PTGER3: variants seen among roughly 807,000 people sequenced by gnomAD.
PTGER3 encodes prostaglandin E2 receptor EP3 subtype.
Under a neutral mutation model 34.7 loss-of-function variants are expected in PTGER3, and 22 were observed. The ratio of observed to expected loss-of-function variants is 0.63; its 90% confidence interval spans 0.45 to 0.91. The LOEUF (loss-of-function observed/expected upper bound fraction) is 0.91. PTGER3 is among the 40% of genes least tolerant of loss of function. The pLI is 0.00. For missense variants in PTGER3, 468 were observed against 519.4 expected (o/e 0.90, Z 0.96); for synonymous variants, 241 against 230.1 (o/e 1.05, Z -0.43).
chr1:70,869,289 G>A, intron 4 of PTGER3: 1 of 471,642 alleles, frequency 2.1e-6, no homozygotes, highest in East Asian at 6.9e-5. Flanking sequence ...CTCCATGCAT[G>A]ACAAAAACAC....
chr1:71,007,784 G>T, intron 2 of PTGER3: 1 of 985,142 alleles, frequency 1.0e-6, no homozygotes, highest in Non-Finnish European at 1.2e-6. Flanking sequence ...TTGCCTAGAC[G>T]TTTGGCTTAC....
intron 4 of PTGER3, among the ~76,000 whole-genome samples, chr1:70,896,516 A>G (rs1392221383): frequency 7.9e-5 from 12 of 152,224 alleles, no homozygotes; most frequent in Admixed American, 7.8e-4. Context: ...CTTGATCTCA[A>G]ACTTACAGCC....
chr1:70,912,524 A>C (rs949872109), intron 4 of PTGER3, among the ~76,000 whole-genome samples: 9 of 152,108 alleles, frequency 5.9e-5, no homozygotes, highest in African/African-American at 1.9e-4. Flanking sequence ...TACACATAAC[A>C]GAAGGGGTTG....
At chr1:70,873,440 C>A (rs769666462) in intron 4 of PTGER3, among the ~76,000 whole-genome samples, 23 of 152,128 alleles carry the variant, frequency 1.5e-4, no homozygotes, top group Non-Finnish European at 3.2e-4. Flanking sequence ...TAATAGACTA[C>A]ATTTCCCTTT....
At chr1:70,956,256 G>A (rs1164880816) in intron 2 of PTGER3, among the ~76,000 whole-genome samples, 1 of 152,088 alleles carries the variant, frequency 6.6e-6, no homozygotes, top group Non-Finnish European at 1.5e-5. Context: ...TTAAGAAAAT[G>A]ATTTGTCCAG....
chr1:71,041,858 G>T (rs2744902), intron 1 of PTGER3, among the ~76,000 whole-genome samples: 141,664 of 152,246 alleles, frequency 0.93, 66,046 homozygotes, highest in East Asian at 1. Context: ...CTGCATTTCT[G>T]TCCTGCAATG....
intron 4 of PTGER3, among the ~76,000 whole-genome samples, chr1:70,867,278 C>T (rs149507767): frequency 4.1e-4 from 63 of 152,320 alleles, no homozygotes; most frequent in African/African-American, 1.5e-3. Context: ...CATTATGTTG[C>T]AGGCTTTTAA....
At chr1:70,862,329 A>G (rs1344974164) in intron 4 of PTGER3, 1 of 1,364,492 alleles carries the variant, frequency 7.3e-7, no homozygotes, top group African/African-American at 1.5e-5. Flanking sequence ...TAGTTCACAG[A>G]TACTTCATCC....
At chr1:70,947,713 A>G (rs1437350427), downstream of PTGER3, among the ~76,000 whole-genome samples, 2 of 152,124 alleles carry the variant, frequency 1.3e-5, no homozygotes, top group African/African-American at 4.8e-5. Context: ...TTCAGGTTAC[A>G]TTGCTGAGAC....
intron 4 of PTGER3, among the ~76,000 whole-genome samples, chr1:70,937,227 T>C (rs1310640667): frequency 2.0e-5 from 3 of 152,202 alleles, no homozygotes; most frequent in South Asian, 4.1e-4. Flanking sequence ...CTTATGGCAG[T>C]TGAAAATTTG....
chr1:70,857,905 C>T (rs906756726), intron 4 of PTGER3, among the ~76,000 whole-genome samples: 4 of 152,212 alleles, frequency 2.6e-5, no homozygotes, highest in Non-Finnish European at 5.9e-5. Context: ...GAAACATACT[C>T]ATCACTCACA....
chr1:70,935,822 G>T (rs528958216), intron 4 of PTGER3, among the ~76,000 whole-genome samples: 13 of 151,940 alleles, frequency 8.6e-5, no homozygotes, highest in Non-Finnish European at 1.8e-4. Flanking sequence ...AAATTTGAAG[G>T]AGTCTTGGTA....
intron 4 of PTGER3, among the ~76,000 whole-genome samples, chr1:70,857,114 A>C (rs890941374): frequency 6.6e-6 from 1 of 152,240 alleles, no homozygotes; most frequent in Non-Finnish European, 1.5e-5. Flanking sequence ...TGTAGAACAC[A>C]CAAGAGGAGA....
downstream of PTGER3, among the ~76,000 whole-genome samples, chr1:70,948,245 T>A (rs894914345): frequency 6.6e-6 from 1 of 152,074 alleles, no homozygotes; most frequent in African/African-American, 2.4e-5. Flanking sequence ...TGGGAGGTAA[T>A]TGAATCATGG....
chr1:71,027,292 C>T (rs1001680014), intron 1 of PTGER3, among the ~76,000 whole-genome samples: 12 of 152,066 alleles, frequency 7.9e-5, no homozygotes, highest in Non-Finnish European at 4.4e-5. Context: ...GTAGCTAGTA[C>T]TACAGGCATG....
intron 1 of PTGER3, among the ~76,000 whole-genome samples, chr1:71,036,607 G>A (rs1029094019): frequency 3.9e-5 from 6 of 152,118 alleles, no homozygotes; most frequent in African/African-American, 1.2e-4. Context: ...TTGGGAGGCC[G>A]AGGTGGGCGG....
chr1:71,015,604 T>C (rs1418178520), intron 1 of PTGER3, among the ~76,000 whole-genome samples: 1 of 152,200 alleles, frequency 6.6e-6, no homozygotes, highest in Non-Finnish European at 1.5e-5. Flanking sequence ...ACTAAGCTGA[T>C]AATGACTGGT....
At chr1:71,023,069 T>G (rs964524918) in intron 1 of PTGER3, among the ~76,000 whole-genome samples, 5 of 151,802 alleles carry the variant, frequency 3.3e-5, no homozygotes, top group Non-Finnish European at 7.4e-5. Context: ...TACCTACATA[T>G]AGACTGCTCC....
chr1:71,025,133 C>CTTCCTTCCTTCCTTCA, intron 1 of PTGER3, among the ~76,000 whole-genome samples: 1 of 144,280 alleles, frequency 6.9e-6, no homozygotes, highest in South Asian at 2.3e-4. Context: ...ATTCCAGGCC[C>CTTCCTTCCTTCCTTCA]TTCCTTCCTT....
Sources: allele counts gnomAD v4.1 joint callset (sites outside exome capture counted in the v4.1 genomes callset), GRCh38; gene constraint gnomAD v4.1.1; transcripts MANE v1.5; gene names NCBI Gene and HGNC (gene_info 2026-07-23, HGNC 2026-07-21).